The following NR2F1 variants were observed in gnomAD, a reference collection of about 807,000 sequenced individuals.
NR2F1 encodes nuclear receptor subfamily 2 group F member 1.
In NR2F1, 1 loss-of-function variant was observed where a neutral mutation model predicts 37.7. That is an observed-to-expected ratio of 0.03 (90% CI 0.01 to 0.13). The LOEUF (loss-of-function observed/expected upper bound fraction) is 0.13, where lower values mean the gene tolerates loss of function less well. Ranked by LOEUF, NR2F1 falls within the 10% of genes least tolerant of loss-of-function variation. The pLI is 1.00. For missense variants in NR2F1, 268 were observed against 578.4 expected (o/e 0.46, Z 5.50); for synonymous variants, 275 against 259.6 (o/e 1.06, Z -0.57).
At chr5:93,591,298 AC>A (rs1753325554) in intron 2 of NR2F1, among the ~76,000 whole-genome samples, 1 of 152,100 alleles carries the variant, frequency 6.6e-6, no homozygotes, top group African/African-American at 2.4e-5. Context: ...ACTGTATTAC[AC>A]CCCCTGGTCA....
chr5:93,587,214 T>C (rs1035160038), intron 1 of NR2F1: 1 of 152,196 alleles, frequency 6.6e-6, no homozygotes, highest in Non-Finnish European at 1.5e-5. Context: ...TAATTATATT[T>C]CCTACTTTTT....
At chr5:93,586,795 G>GA (rs1012435616) in intron 1 of NR2F1, among the ~76,000 whole-genome samples, 1 of 151,528 alleles carries the variant, frequency 6.6e-6, no homozygotes, top group African/African-American at 2.4e-5. Context: ...ACTATAATTA[G>GA]AAAAAAGTAT....
At position 93,593,338 on chromosome 5, in the gene NR2F1, G is replaced by T. The variant is rs1753365870; in HGVS notation, c.992-224G>T. ...CTCCAGCTCCCCTAGGCTTGGTGGG[G>T]GTTTGATTTATTTTTATTTGTATTG... On this transcript the variant is annotated intron_variant, in intron 2 of 2. Coordinates refer to ENST00000327111, the MANE Select transcript of NR2F1 (RefSeq NM_005654.6). This position sits in a 1 kb window ranked among gnomAD's most constrained non-coding sequence, Gnocchi z 5.6. 6.6e-6 allele frequency among the ~76,000 whole-genome samples: 1 copy of T among 151,944 alleles called. No individual in the cohort carries two copies. The highest frequency in any genetic ancestry group is 2.1e-4 in the South Asian group (1 of 4,810).
Position 93,584,069 on chromosome 5 carries a change from C to G in NR2F1, c.-955C>G, listed in dbSNP as rs1422218427. 2.6e-5 allele frequency: 4 copies of G among 151,802 alleles called. No homozygotes were observed. Among genetic ancestry groups the G allele is most frequent in the Non-Finnish European group, 5.9e-5 (4 of 67,990 alleles). 9.4% of individuals were successfully genotyped at this position (151,802 alleles called of 1,614,324 possible). A position where few individuals can be genotyped will look rare whatever the true frequency, so the allele number is the denominator to read the frequency against. On this transcript the variant is annotated 5_prime_UTR_variant, in exon 1 of 3. Transcript: ENST00000327111. ...GACCTGGCCCCCCGACACCCGCGCG[C>G]CCTGATCGCCGGCGGCAGCCTCGCC...
At position 93,587,948 on chromosome 5, in the gene NR2F1, G is replaced by T; in HGVS notation, c.495G>T (p.Gln165His). 6.3e-7 allele frequency: 1 copy of T among 1,594,682 alleles called. No individual in the cohort carries two copies. The highest frequency in any genetic ancestry group is 8.6e-7 in the Non-Finnish European group (1 of 1,166,736). Residue 165 changes from glutamine (Q) to histidine (H), a missense_variant, in exon 2 of 3, where the codon CAG becomes CAT. Physicochemically the swap from Gln to His is conservative, Grantham distance 24 (BLOSUM62 0). Coordinates refer to ENST00000327111, the MANE Select transcript of NR2F1 (RefSeq NM_005654.6). ...AGCGAGGAAGAATGCCTCCAACCCA[G>T]CCCAATCCAGGCCAGTACGCACTCA... ...AVQRGRMPPT[Q>H]PNPGQYALTN... is the part of the protein sequence containing the mutation.
chr5:93,586,724 GA>G (rs202046331), intron 1 of NR2F1, among the ~76,000 whole-genome samples: 55 of 138,744 alleles, frequency 4.0e-4, no homozygotes, highest in Admixed American at 1.4e-3. Flanking sequence ...GTAGGCATCT[GA>G]AAAAAAAAAA....
At position 93,588,434 on chromosome 5, in the gene NR2F1, G is replaced by C. The variant is rs752311968; in HGVS notation, c.981G>C (p.Leu327=). 1.9e-6 allele frequency: 3 copies of C among 1,599,424 alleles called. No homozygotes were observed. The highest frequency in any genetic ancestry group is 8.5e-7 in the Non-Finnish European group (1 of 1,170,052). The change falls in exon 2 of 3, where the codon CTG becomes CTC. Residue 327 remains leucine, a synonymous_variant. Transcript: ENST00000327111. The part of the protein sequence containing the change: ...AEYSCLKAIV[L]FTSDACGLSD... ...ACAGCTGCCTCAAAGCCATCGTGCT[G>C]TTCACGTCAGGTGAGGCTGCGGTCG...
intron 2 of NR2F1, among the ~76,000 whole-genome samples, chr5:93,591,003 T>C (rs1031360391): frequency 6.6e-6 from 1 of 152,214 alleles, no homozygotes; most frequent in Admixed American, 6.5e-5. Flanking sequence ...TTCAGCACAA[T>C]AATAACTTTG....
Position 93,593,465 on chromosome 5 carries a change from C to T in NR2F1, c.992-97C>T, listed in dbSNP as rs1753369119. ...CTTCTTTTTTATTTTCCATTTTCTC[C>T]TTAAAAAAAATTGATGGCTTATTTT... On this transcript the variant is annotated intron_variant, in intron 2 of 2. Coordinates refer to ENST00000327111, the MANE Select transcript of NR2F1 (RefSeq NM_005654.6). The surrounding 1 kb of genome is among the most constrained non-coding windows in gnomAD (Gnocchi z 5.6). 3.9e-6 allele frequency: 5 copies of T among 1,296,858 alleles called. No individual in the cohort carries two copies. Among genetic ancestry groups the T allele is most frequent in the Admixed American group, 4.4e-5 (2 of 45,198 alleles). The allele number at this position is 1,296,858 out of a possible 1,614,324, so 80.3% of individuals were successfully genotyped here.
At position 93,583,417 on chromosome 5, in the gene NR2F1, C is replaced by T. The variant is rs564435378; in HGVS notation, c.-1607C>T. 2 of 150,426 alleles carry T rather than the reference C, an allele frequency of 1.3e-5. No homozygotes were observed. The highest frequency in any genetic ancestry group is 1.3e-4 in the Admixed American group (2 of 15,054). 9.3% of individuals were successfully genotyped at this position (150,426 alleles called of 1,614,324 possible). A position where few individuals can be genotyped will look rare whatever the true frequency, so the allele number is the denominator to read the frequency against. On this transcript the variant is annotated 5_prime_UTR_variant, in exon 1 of 3. Transcript: ENST00000327111. ...CCTCTCTTCTCTTTCTCTTTTCTTA[C>T]ATATTCTACTAGTTGTTTTCCCCTT...
chr5:93,588,347 C>T lies in NR2F1; in HGVS notation c.894C>T (p.His298=). Residue 298 remains histidine, a synonymous_variant, in exon 2 of 3, where the codon CAC becomes CAT. Coordinates refer to ENST00000327111, the MANE Select transcript of NR2F1 (RefSeq NM_005654.6). Reference sequence around the variant, plus strand: ...ACCGCGTCGTGGCCTTCATGGACCACATCCGCATCTTCCAGGAGCAGGTGG... The same window carrying T: ...ACCGCGTCGTGGCCTTCATGGACCATATCCGCATCTTCCAGGAGCAGGTGG... The part of the protein sequence containing the change: ...SADRVVAFMD[H]IRIFQEQVEK... 3.7e-6 allele frequency: 6 copies of T among 1,613,218 alleles called. No individual in the cohort carries two copies. The highest frequency in any genetic ancestry group is 4.2e-6 in the Non-Finnish European group (5 of 1,179,860).
In NR2F1 at chr5:93,594,099, C is replaced by A. The variant is rs1475952250; in HGVS notation, c.*257C>A. On this transcript the variant is annotated 3_prime_UTR_variant, in exon 3 of 3. Coordinates refer to ENST00000327111, the MANE Select transcript of NR2F1 (RefSeq NM_005654.6). ...AAAACAAAACAAACAAAAAAAAGAA[C>A]CTTGTGTCTGTCTGGTGAAAAAAAG... The A allele has an allele frequency of 9.1e-6, 4 of 440,200 alleles. No individual in the cohort carries two copies. Among genetic ancestry groups the A allele is most frequent in the South Asian group, 4.4e-5 (1 of 22,886 alleles). The allele number at this position is 440,200 out of a possible 1,614,324, so 27.3% of individuals were successfully genotyped here.
chr5:93,589,733 A>G (rs1335951375), intron 2 of NR2F1, among the ~76,000 whole-genome samples: 2 of 152,366 alleles, frequency 1.3e-5, no homozygotes, highest in East Asian at 1.9e-4. Context: ...CTTGGCTTTC[A>G]TGTGTGAAGA....
chr5:93,590,974 T>A (rs79899484), intron 2 of NR2F1, among the ~76,000 whole-genome samples: 5,422 of 152,336 alleles, frequency 0.036, 321 homozygotes, highest in African/African-American at 0.12. Context: ...CTAGTTAACA[T>A]AAATACAATA....
intron 2 of NR2F1, among the ~76,000 whole-genome samples, chr5:93,592,682 A>ACCC (rs1046492369): frequency 5.1e-5 from 1 of 19,560 alleles, no homozygotes; most frequent in Non-Finnish European, 1.0e-4. Context: ...ATCCCCCCCT[A>ACCC]CCCCCCCAGT....
rs1753160547 is a variant in NR2F1, at chr5:93,583,333, C to G, written c.-1691C>G. 1 of 151,158 alleles carries G rather than the reference C, an allele frequency of 6.6e-6. No homozygotes were observed. The highest frequency in any genetic ancestry group is 1.5e-5 in the Non-Finnish European group (1 of 67,786). 9.4% of individuals were successfully genotyped at this position (151,158 alleles called of 1,614,324 possible). ...CTCTCTCTCTCTCTCTCCTCTCTCT[C>G]TCTCCTCTTTCTCCCCCCTCTCTCC... On this transcript the variant is annotated 5_prime_UTR_variant, in exon 1 of 3. Transcript: ENST00000327111.
intron 1 of NR2F1, among the ~76,000 whole-genome samples, chr5:93,586,056 T>G (rs1753226360): frequency 6.6e-6 from 1 of 152,148 alleles, no homozygotes. Flanking sequence ...TGAGATTTAT[T>G]GCACTTGTAG....
chr5:93,588,566 G>C (rs1323534716), intron 2 of NR2F1, 122 bp downstream of exon 2: 1 of 563,520 alleles, frequency 1.8e-6, no homozygotes, highest in African/African-American at 2.1e-5. Context: ...GCCCTCGCTG[G>C]ACACTGAGCC....
rs1753168472 is a variant in NR2F1, at chr5:93,583,599, G to C, written c.-1425G>C. ...TCTTATCGTTATTTTATACATATAT[G>C]ATTTTTTTTGGAGGGAGGGTGTTGG... On this transcript the variant is annotated 5_prime_UTR_variant, in exon 1 of 3. The change abolishes an upstream ATG in the 5' untranslated region. Coordinates refer to ENST00000327111, the MANE Select transcript of NR2F1 (RefSeq NM_005654.6). 6.6e-6 allele frequency: 1 copy of C among 151,608 alleles called. No individual in the cohort carries two copies. Among genetic ancestry groups the C allele is most frequent in the African/African-American group, 2.4e-5 (1 of 41,258 alleles). 9.4% of individuals were successfully genotyped at this position (151,608 alleles called of 1,614,324 possible).
Sources: gnomAD v4.1 joint callset for allele counts (sites outside exome capture counted in the v4.1 genomes callset) on GRCh38, gnomAD v4.1.1 for gene constraint, Gnocchi (gnomAD v3.1) non-coding constraint, MANE v1.5 for transcripts, NCBI Gene and HGNC (gene_info 2026-07-23, HGNC 2026-07-21) for gene names.